SLC28A1: variants seen among roughly 807,000 people sequenced by gnomAD.
SLC28A1 encodes sodium/nucleoside cotransporter 1.
Under a neutral mutation model 74.8 loss-of-function variants are expected in SLC28A1, and 64 were observed. The observed-to-expected ratio is 0.86, with a 90% CI of 0.70 to 1.05. The LOEUF (loss-of-function observed/expected upper bound fraction) is 1.05, where lower values mean the gene tolerates loss of function less well. Ranked by LOEUF, SLC28A1 falls within the 50% of genes least tolerant of loss-of-function variation. The pLI is 0.00. For synonymous variants in SLC28A1, 359 were observed against 335.0 expected (o/e 1.07, Z -0.78); for missense variants, 828 against 822.8 (o/e 1.01, Z -0.08).
intron 9 of SLC28A1, among the ~76,000 whole-genome samples, chr15:84,916,702 C>A (rs1969150140): frequency 6.6e-6 from 1 of 152,148 alleles, no homozygotes; most frequent in Non-Finnish European, 1.5e-5. Context: ...GCCTATGCTC[C>A]TTCCCTTGAG....
intron 11 of SLC28A1, among the ~76,000 whole-genome samples, chr15:84,921,839 TTAAGG>T (rs1969865685): frequency 6.6e-6 from 1 of 152,240 alleles, no homozygotes; most frequent in African/African-American, 2.4e-5. Context: ...AAAAAATCCC[TTAAGG>T]TGTTCAAAAT....
At chr15:84,931,818 A>G (rs1002129856) in intron 12 of SLC28A1, among the ~76,000 whole-genome samples, 1 of 151,768 alleles carries the variant, frequency 6.6e-6, no homozygotes, top group African/African-American at 2.4e-5. Flanking sequence ...CCTGGCCAAC[A>G]CGGTGAAACG....
the SLC28A1 span, chr15:84,975,451 A>G: frequency 2.2e-6 from 1 of 455,660 alleles, no homozygotes; most frequent in Non-Finnish European, 4.4e-6. Flanking sequence ...GTTGCCCCTC[A>G]TTTTATTTCT....
At chr15:84,925,354 T>TG (rs1232296395) in intron 12 of SLC28A1, among the ~76,000 whole-genome samples, 1 of 151,858 alleles carries the variant, frequency 6.6e-6, no homozygotes, top group Non-Finnish European at 1.5e-5. Context: ...TCAGAAACGA[T>TG]GGGGGATGCC....
chr15:84,923,800 G>T (rs1970151702), intron 11 of SLC28A1, among the ~76,000 whole-genome samples, 185 bp from the exon 12 acceptor site: 1 of 152,064 alleles, frequency 6.6e-6, no homozygotes, highest in Non-Finnish European at 1.5e-5. Flanking sequence ...GGAGGGATGG[G>T]GGTCCTTCTG....
intron 6 of SLC28A1, chr15:84,895,806 T>C: frequency 8.6e-7 from 1 of 1,156,608 alleles, no homozygotes; most frequent in Non-Finnish European, 1.1e-6. Flanking sequence ...AGACCACCAG[T>C]CTATTTCAAT....
chr15:84,973,409 A>T, the SLC28A1 span, among the ~76,000 whole-genome samples: 1 of 152,210 alleles, frequency 6.6e-6, no homozygotes, highest in Non-Finnish European at 1.5e-5. Context: ...AACCATTGAC[A>T]TCAACACCCA....
the SLC28A1 span, among the ~76,000 whole-genome samples, chr15:84,974,466 C>G: frequency 6.6e-6 from 1 of 152,232 alleles, no homozygotes; most frequent in East Asian, 1.9e-4. Context: ...TCCATTTCCT[C>G]TCCAATCAAG....
chr15:84,953,415 G>C, the SLC28A1 span, among the ~76,000 whole-genome samples: 1 of 152,192 alleles, frequency 6.6e-6, no homozygotes, highest in Non-Finnish European at 1.5e-5. Flanking sequence ...GTGTGTCACT[G>C]TAATTAATTG....
the SLC28A1 span, among the ~76,000 whole-genome samples, chr15:84,965,420 T>C: frequency 0.051 from 7,795 of 152,248 alleles, 522 homozygotes; most frequent in Admixed American, 0.17. Context: ...AGTTTTTTGG[T>C]GGCAATACAT....
intron 5 of SLC28A1, 97 bp downstream of exon 5, chr15:84,890,631 A>G: frequency 1.9e-6 from 2 of 1,030,592 alleles, no homozygotes; most frequent in Non-Finnish European, 2.9e-6. Context: ...GTCATTCAAC[A>G]AATGGTTGTT....
At chr15:84,912,809 CACACACACA>C (rs1968516839) in intron 9 of SLC28A1, among the ~76,000 whole-genome samples, 1 of 56,584 alleles carries the variant, frequency 1.8e-5, no homozygotes, top group South Asian at 9.8e-4. Context: ...CGCGCGCGCA[CACACACACA>C]CACACACACA....
the SLC28A1 span, among the ~76,000 whole-genome samples, chr15:84,967,822 A>G: frequency 6.6e-6 from 1 of 152,154 alleles, no homozygotes; most frequent in Non-Finnish European, 1.5e-5. Flanking sequence ...TGTGCAACCC[A>G]GGAATTGTCT....
intron 6 of SLC28A1, among the ~76,000 whole-genome samples, chr15:84,897,837 A>G (rs1288543522): frequency 1.3e-5 from 2 of 152,302 alleles, no homozygotes; most frequent in Admixed American, 6.5e-5. Context: ...GTCTATCTTC[A>G]TAAGATGTAC....
intron 15 of SLC28A1, 93 bp from the exon 16 acceptor site, chr15:84,943,351 TG>T: frequency 1.2e-6 from 1 of 844,608 alleles, no homozygotes. Flanking sequence ...ATGTAAGAAG[TG>T]GGTAAAATTA....
intron 9 of SLC28A1, among the ~76,000 whole-genome samples, chr15:84,911,386 C>G (rs896360): frequency 0.82 from 124,045 of 152,108 alleles, 50,738 homozygotes; most frequent in South Asian, 0.88. Context: ...AAGCTCCAGA[C>G]AGGAGCAGTG....
In SLC28A1 at chr15:84,921,077, T is replaced by C. The variant is rs1208717226; in HGVS notation, c.957+8T>C. 2.5e-6 allele frequency: 4 copies of C among 1,605,514 alleles called. No individual in the cohort carries two copies. The South Asian group carries it at 3.3e-5, about 13-fold the overall frequency. On this transcript the variant is annotated splice_region_variant and intron_variant, in intron 11 of 18. Coordinates refer to ENST00000394573, the MANE Select transcript of SLC28A1 (RefSeq NM_004213.5). The stretch of plus-strand genomic sequence containing the variant: ...AACATCTTTGTGAGCCAGGTGGGTA[T>C]GGAAGCCTCCTACCCTCATGCTCAT...
At chr15:84,946,083 T>TGTATATATATATATATA (rs1321419859), downstream of SLC28A1, among the ~76,000 whole-genome samples, 6 of 36,224 alleles carry the variant, frequency 1.7e-4, no homozygotes, top group Non-Finnish European at 2.4e-4. Flanking sequence ...TGTGTGTATG[T>TGTATATATATATATATA]TCATATATAT....
chr15:84,888,496 C>T (rs1242047497), intron 3 of SLC28A1, among the ~76,000 whole-genome samples: 1 of 152,132 alleles, frequency 6.6e-6, no homozygotes, highest in Admixed American at 6.5e-5. Context: ...ACAGGCCTCC[C>T]CTCGGCCCCT....
Sources: gnomAD v4.1 joint callset for allele counts (sites outside exome capture counted in the v4.1 genomes callset) on GRCh38, gnomAD v4.1.1 for gene constraint, MANE v1.5 for transcripts, NCBI Gene and HGNC (gene_info 2026-07-23, HGNC 2026-07-21) for gene names.